PTPRU: variants seen among roughly 807,000 people sequenced by gnomAD.
PTPRU encodes receptor-type tyrosine-protein phosphatase U.
In PTPRU, 69 loss-of-function variants were observed where a neutral mutation model predicts 166.3. The observed-to-expected ratio is 0.41, with a 90% CI of 0.34 to 0.51. The LOEUF is 0.51. PTPRU is among the 20% of genes least tolerant of loss of function. The pLI, the probability that PTPRU is intolerant of heterozygous loss-of-function variation, is 0.09. For missense variants in PTPRU, 1,657 were observed against 2,013.7 expected (o/e 0.82, Z 3.39); for synonymous variants, 793 against 814.0 (o/e 0.97, Z 0.44).
intron 1 of PTPRU, among the ~76,000 whole-genome samples, chr1:29,247,791 C>G (rs577579578): frequency 1.2e-4 from 19 of 152,270 alleles, no homozygotes; most frequent in Admixed American, 9.2e-4. Flanking sequence ...CATAAGGTCC[C>G]CTGCTGTACT....
chr1:29,304,084 G>T, intron 16 of PTPRU, 39 bp downstream of exon 16: 1 of 1,576,572 alleles, frequency 6.3e-7, no homozygotes, highest in South Asian at 1.2e-5. Flanking sequence ...CCCTGCAGAG[G>T]CCTCACCTGG....
intron 1 of PTPRU, among the ~76,000 whole-genome samples, chr1:29,254,685 T>C (rs1684697518): frequency 6.6e-6 from 1 of 152,194 alleles, no homozygotes. Flanking sequence ...GCGGCAACTG[T>C]TGTTTTTAAA....
chr1:29,259,552 C>G lies in PTPRU; in HGVS notation c.663C>G (p.Arg221=). The change falls in exon 5 of 30, where the codon CGC becomes CGG. Residue 221 remains arginine (R), a synonymous_variant. Coordinates refer to ENST00000373779, the MANE Select transcript of PTPRU (RefSeq NM_133178.4). ...MAAGRAAEAE[R]FLLQRQSGAL... ...CGGGCAGAGCGGCCGAGGCCGAACG[C>G]TTCCTCTTGCAAGTGAGCGGGAGCG... is the stretch of plus-strand genomic sequence containing the variant. 4 of 1,374,362 alleles carry G rather than the reference C, an allele frequency of 2.9e-6. No individual in the cohort carries two copies. The highest frequency in any genetic ancestry group is 3.9e-6 in the Non-Finnish European group (4 of 1,029,106). 85.1% of individuals were successfully genotyped at this position (1,374,362 alleles called of 1,614,324 possible).
Position 29,258,758 on chromosome 1 carries a change from C to A in PTPRU, c.459C>A (p.Phe153Leu). ...WHQAELAVSTFWPNEYQVLFE... is the reference protein window; with the variant it reads ...WHQAELAVSTLWPNEYQVLFE... ...AGGCTGAGCTGGCTGTCAGCACTTT[C>A]TGGCCCAATGAATATCAGGTGGGCT... The change falls in exon 3 of 30, where the codon TTC (phenylalanine) becomes TTA (leucine). Residue 153 changes from phenylalanine (F) to leucine (L), a missense_variant. Physicochemically the swap from Phe to Leu is conservative, Grantham distance 22 (BLOSUM62 0). This residue lies in a region of PTPRU where 453 missense variants were observed against 496.9 expected (regional missense o/e 0.91). Transcript: ENST00000373779. 6.3e-7 allele frequency: 1 copy of A among 1,585,996 alleles called. No individual in the cohort carries two copies. Among genetic ancestry groups the A allele is most frequent in the South Asian group, 1.2e-5 (1 of 86,566 alleles).
chr1:29,284,072 AGAG>A, intron 13 of PTPRU, 96 bp downstream of exon 13: 1 of 1,503,502 alleles, frequency 6.7e-7, no homozygotes, highest in Non-Finnish European at 9.2e-7. Context: ...CTGTGGGAGT[AGAG>A]GAGGGTGGTT....
At chr1:29,298,964 C>G (rs1212822980) in intron 15 of PTPRU, among the ~76,000 whole-genome samples, 1 of 152,216 alleles carries the variant, frequency 6.6e-6, no homozygotes, top group Non-Finnish European at 1.5e-5. Context: ...ACAGGCTGTG[C>G]TTCTGTAGGA....
rs1446912558 is a variant in PTPRU, at chr1:29,237,233, G to C, written c.73+516G>C. 6.6e-6 allele frequency among the ~76,000 whole-genome samples: 1 copy of C among 150,496 alleles called. No homozygotes were observed. The highest frequency in any genetic ancestry group is 6.6e-5 in the Admixed American group (1 of 15,144). ...GTGGATCCGGGAACGCGTGTGTGGCGTGTGTGCTTTTGAGATCCGTGTACA... is the reference window on the plus strand; with the variant it reads ...GTGGATCCGGGAACGCGTGTGTGGCCTGTGTGCTTTTGAGATCCGTGTACA... On this transcript the variant is annotated intron_variant, in intron 1 of 29. Transcript: ENST00000373779. This position sits in a 1 kb window ranked among gnomAD's most constrained non-coding sequence, Gnocchi z 6.4.
chr1:29,290,752 C>G (rs866409436), intron 14 of PTPRU, among the ~76,000 whole-genome samples: 2 of 152,286 alleles, frequency 1.3e-5, no homozygotes, highest in Admixed American at 1.3e-4. Context: ...TTTTCAAAAC[C>G]AGATGCAGAA....
At chr1:29,256,164 A>G (rs1684763259) in intron 2 of PTPRU, among the ~76,000 whole-genome samples, 1 of 152,184 alleles carries the variant, frequency 6.6e-6, no homozygotes, top group Admixed American at 6.5e-5. Context: ...ATGCATATAA[A>G]GTACAGAGCA....
At chr1:29,318,039 G>A in intron 25 of PTPRU, 118 bp downstream of exon 25, 1 of 1,344,526 alleles carries the variant, frequency 7.4e-7, no homozygotes, top group African/African-American at 1.5e-5. Flanking sequence ...GCCCATTCTG[G>A]GGAACAGGCC....
chr1:29,266,010 GT>G (rs34163524), intron 7 of PTPRU, among the ~76,000 whole-genome samples: 184 of 79,222 alleles, frequency 2.3e-3, no homozygotes, highest in East Asian at 8.7e-3. Context: ...TTTCTCCTGG[GT>G]TTTTTTTTTT....
intron 1 of PTPRU, among the ~76,000 whole-genome samples, chr1:29,246,383 A>G (rs1190564485): frequency 6.6e-6 from 1 of 152,220 alleles, no homozygotes; most frequent in East Asian, 1.9e-4. Flanking sequence ...CACATGACTC[A>G]GGGAGTCTAT....
chr1:29,307,073 C>T, intron 18 of PTPRU: 2 of 1,593,064 alleles, frequency 1.3e-6, no homozygotes, highest in Non-Finnish European at 1.7e-6. Flanking sequence ...CCATCTGCCC[C>T]TGGCCTAATA....
At chr1:29,265,519 C>G (rs1182742319) in intron 7 of PTPRU, among the ~76,000 whole-genome samples, 1 of 151,936 alleles carries the variant, frequency 6.6e-6, no homozygotes, top group Non-Finnish European at 1.5e-5. Flanking sequence ...CACACCACCA[C>G]GCCTGGCTAA....
At position 29,238,064 on chromosome 1, in the gene PTPRU, G is replaced by T. The variant is rs1468373751; in HGVS notation, c.73+1347G>T. Reference sequence around the variant, plus strand: ...TCCCGGCCGGCCGGGACCGCCAGGTGTGTGCTTGAGTGTGAGCGTGAGTGT... The same window carrying T: ...TCCCGGCCGGCCGGGACCGCCAGGTTTGTGCTTGAGTGTGAGCGTGAGTGT... On this transcript the variant is annotated intron_variant, in intron 1 of 29. Transcript: ENST00000373779. The surrounding 1 kb of genome is among the most constrained non-coding windows in gnomAD (Gnocchi z 6.1). Among the ~76,000 whole-genome samples the T allele has an allele frequency of 6.6e-6, 1 of 151,784 alleles. No individual in the cohort carries two copies. The highest frequency in any genetic ancestry group is 2.4e-5 in the African/African-American group (1 of 41,382).
intron 11 of PTPRU, among the ~76,000 whole-genome samples, chr1:29,281,843 A>T (rs932340685): frequency 6.6e-6 from 1 of 152,262 alleles, no homozygotes; most frequent in Admixed American, 6.5e-5. Context: ...GGGATGTCAC[A>T]CGCCAAGACG....
At chr1:29,308,284 C>CTTT (rs567805935) in intron 18 of PTPRU, among the ~76,000 whole-genome samples, 55 of 136,174 alleles carry the variant, frequency 4.0e-4, no homozygotes, top group East Asian at 8.6e-4. Flanking sequence ...TAATTTTTTC[C>CTTT]TTTTTTTTTT....
At chr1:29,241,869 A>G (rs1247840629) in intron 1 of PTPRU, among the ~76,000 whole-genome samples, 1 of 148,574 alleles carries the variant, frequency 6.7e-6, no homozygotes, top group Non-Finnish European at 1.5e-5. Flanking sequence ...CTGAGATTAC[A>G]GGCGTGAACC....
intron 15 of PTPRU, among the ~76,000 whole-genome samples, chr1:29,300,477 T>C (rs1687088537): frequency 6.6e-6 from 1 of 152,226 alleles, no homozygotes; most frequent in African/African-American, 2.4e-5. Context: ...TTGCTCTTCT[T>C]TTTAATGGGA....
Sources: allele counts gnomAD v4.1 joint callset (sites outside exome capture counted in the v4.1 genomes callset), GRCh38; gene constraint gnomAD v4.1.1; regional missense constraint gnomAD v4.1.1; non-coding constraint Gnocchi (gnomAD v3.1); transcripts MANE v1.5; gene names NCBI Gene and HGNC (gene_info 2026-07-23, HGNC 2026-07-21).